CNBD1: variants seen among roughly 807,000 people sequenced by gnomAD.
The protein encoded by CNBD1 is cyclic nucleotide binding domain containing 1.
A neutral mutation model predicts 54.4 loss-of-function variants in CNBD1; 71 were observed. The ratio of observed to expected loss-of-function variants is 1.30; its 90% confidence interval spans 1.08 to 1.59. The LOEUF is 1.59. Among genes scored for constraint, CNBD1 ranks in the 40% most tolerant of loss-of-function variants. The pLI is 0.00. For missense variants in CNBD1, 659 were observed against 518.0 expected (o/e 1.27, Z -2.64); for synonymous variants, 182 against 170.7 (o/e 1.07, Z -0.51).
chr8:87,137,111 ATAT>A (rs368328604), intron 4 of CNBD1, among the ~76,000 whole-genome samples: 11,126 of 77,970 alleles, frequency 0.14, 1,467 homozygotes, highest in African/African-American at 0.16. Context: ...TAAATTATAT[ATAT>A]TATATTTTTA....
intron 4 of CNBD1, among the ~76,000 whole-genome samples, chr8:87,030,185 G>T (rs776938781): frequency 3.2e-4 from 48 of 152,120 alleles, no homozygotes; most frequent in Non-Finnish European, 6.2e-4. Context: ...ATGGCTGCTA[G>T]ATTTAATAGG....
intron 10 of CNBD1, among the ~76,000 whole-genome samples, chr8:87,372,928 C>G (rs1427496973): frequency 6.6e-6 from 1 of 151,668 alleles, no homozygotes; most frequent in East Asian, 1.9e-4. Context: ...CTTCCTTTAC[C>G]TAAGTAAACT....
At chr8:87,188,224 C>T (rs1283821274) in intron 4 of CNBD1, among the ~76,000 whole-genome samples, 1 of 152,188 alleles carries the variant, frequency 6.6e-6, no homozygotes, top group Non-Finnish European at 1.5e-5. Flanking sequence ...CTCCCCTAGA[C>T]TAGATTACGT....
chr8:87,142,576 AATTAC>A lies in CNBD1; in HGVS notation c.432-63412_432-63408del, dbSNP rs766061752. The stretch of plus-strand genomic sequence containing the variant: ...TTAGAAATAAAACATAAAACATAAA[AATTAC>A]ATTAAATTGGTACTAAATCTTACAT... On this transcript the variant is annotated intron_variant, in intron 4 of 10. Transcript: ENST00000518476. Among the ~76,000 whole-genome samples the A allele has an allele frequency of 1.6e-3, 250 of 152,274 alleles. 1 individual carries two copies. The highest frequency in any genetic ancestry group is 2.8e-3 in the Non-Finnish European group (188 of 68,002).
chr8:87,181,167 A>G (rs1813303593), intron 4 of CNBD1, among the ~76,000 whole-genome samples: 1 of 152,180 alleles, frequency 6.6e-6, no homozygotes, highest in South Asian at 2.1e-4. Flanking sequence ...GAGAGTGATG[A>G]ACAGATCTAT....
chr8:86,920,433 T>C (rs979814996), intron 3 of CNBD1, among the ~76,000 whole-genome samples: 33 of 152,152 alleles, frequency 2.2e-4, no homozygotes, highest in African/African-American at 6.3e-4. Flanking sequence ...TTAGTTTGTG[T>C]TATATAACTT....
chr8:87,341,917 T>C (rs1810072277), intron 8 of CNBD1, among the ~76,000 whole-genome samples: 1 of 152,160 alleles, frequency 6.6e-6, no homozygotes, highest in Non-Finnish European at 1.5e-5. Flanking sequence ...AGAATCTATG[T>C]GGTGGTTTCA....
intron 4 of CNBD1, among the ~76,000 whole-genome samples, chr8:86,960,209 G>A (rs1807891985): frequency 6.6e-6 from 1 of 152,146 alleles, no homozygotes; most frequent in Non-Finnish European, 1.5e-5. Context: ...GGAAGCACAA[G>A]GGGTCAGGGA....
intron 2 of CNBD1, among the ~76,000 whole-genome samples, chr8:87,421,449 C>T (rs1164982603): frequency 1.5e-5 from 2 of 136,216 alleles, no homozygotes; most frequent in South Asian, 2.5e-4. Flanking sequence ...CAACAGTCCC[C>T]AGAGTGTGAT....
intron 8 of CNBD1, among the ~76,000 whole-genome samples, chr8:87,318,619 G>A (rs1809451449): frequency 1.3e-5 from 2 of 151,936 alleles, no homozygotes; most frequent in African/African-American, 2.4e-5. Context: ...CAGAAACGCT[G>A]GAGGCAGTCA....
intron 10 of CNBD1, among the ~76,000 whole-genome samples, chr8:87,380,121 A>G (rs1811044512): frequency 6.6e-6 from 1 of 151,984 alleles, no homozygotes; most frequent in Non-Finnish European, 1.5e-5. Context: ...ACATACACAA[A>G]CAAGAGTATT....
chr8:87,237,056 G>A lies in CNBD1; in HGVS notation c.715G>A (p.Glu239Lys). Residue 239 changes from glutamate (E) to lysine (K), a missense_variant, in exon 6 of 11, where the codon GAA becomes AAA. Physicochemically the swap from Glu to Lys is moderately conservative, Grantham distance 56 (BLOSUM62 1). Coordinates refer to ENST00000518476, the MANE Select transcript of CNBD1 (RefSeq NM_173538.3). ...SQSFHSFIWS[E>K]EFKNSTLAEM... ...GAGTTTCCACAGCTTCATTTGGAGT[G>A]AAGAATTCAAAAACTCTACACTTGC... 6.2e-7 allele frequency: 1 copy of A among 1,611,918 alleles called. No individual in the cohort carries two copies.
chr8:86,966,196 C>T (rs546082787), intron 4 of CNBD1, among the ~76,000 whole-genome samples: 16 of 152,294 alleles, frequency 1.1e-4, no homozygotes, highest in African/African-American at 9.6e-5. Flanking sequence ...TGGGGGTTCA[C>T]TGGGAACCTG....
chr8:87,408,691 T>A (rs924591788), intron 2 of CNBD1, among the ~76,000 whole-genome samples: 1 of 152,144 alleles, frequency 6.6e-6, no homozygotes, highest in Non-Finnish European at 1.5e-5. Context: ...AGGAAGTTTA[T>A]CAGCACAAGT....
At chr8:87,425,453 T>A (rs1290390161) in intron 2 of CNBD1, among the ~76,000 whole-genome samples, 1 of 152,226 alleles carries the variant, frequency 6.6e-6, no homozygotes, top group Admixed American at 6.5e-5. Context: ...TGTGGTTTTA[T>A]CTACTTTTGG....
At chr8:87,392,170 T>G (rs1473785373) in intron 2 of CNBD1, among the ~76,000 whole-genome samples, 1 of 152,022 alleles carries the variant, frequency 6.6e-6, no homozygotes, top group East Asian at 1.9e-4. Flanking sequence ...TTGTCAAAGA[T>G]GTGAAAAAAT....
At chr8:86,985,879 T>C (rs1231360545) in intron 4 of CNBD1, among the ~76,000 whole-genome samples, 1 of 152,174 alleles carries the variant, frequency 6.6e-6, no homozygotes, top group Non-Finnish European at 1.5e-5. Flanking sequence ...GGTACTTTTA[T>C]AATAGCTATT....
At chr8:87,385,656 AG>A (rs932177705), downstream of CNBD1, among the ~76,000 whole-genome samples, 78 of 152,126 alleles carry the variant, frequency 5.1e-4, no homozygotes, top group African/African-American at 1.8e-3. Context: ...CAGCACAAGG[AG>A]GCCTACCTGC....
intron 4 of CNBD1, among the ~76,000 whole-genome samples, chr8:87,179,593 C>G (rs984342520): frequency 6.6e-6 from 1 of 152,012 alleles, no homozygotes; most frequent in Admixed American, 6.6e-5. Context: ...AAGGATTGAT[C>G]CAGGAAGGCA....
Sources: allele counts gnomAD v4.1 joint callset (sites outside exome capture counted in the v4.1 genomes callset), GRCh38; gene constraint gnomAD v4.1.1; transcripts MANE v1.5; gene names NCBI Gene and HGNC (gene_info 2026-07-23, HGNC 2026-07-21).